The following PRDM5 variants were observed in gnomAD, a reference collection of about 807,000 sequenced individuals.
PRDM5 encodes PR domain zinc finger protein 5.
PRDM5 carries 56 observed loss-of-function variants against 81.2 expected under a neutral mutation model. The ratio of observed to expected loss-of-function variants is 0.69; its 90% CI spans 0.56 to 0.86. PRDM5 has a LOEUF of 0.86. PRDM5 is among the 40% of genes least tolerant of loss of function. PRDM5 has a pLI of 0.00. For missense variants in PRDM5, 697 were observed against 770.1 expected (o/e 0.91, Z 1.12); for synonymous variants, 267 against 256.4 (o/e 1.04, Z -0.39).
At chr4:120,816,243 A>T in intron 7 of PRDM5, 1 of 748,958 alleles carries the variant, frequency 1.3e-6, no homozygotes. Context: ...TAATTAATTC[A>T]GGAATGGGAA....
At chr4:120,909,922 A>G (rs960615504) in intron 1 of PRDM5, among the ~76,000 whole-genome samples, 2 of 152,158 alleles carry the variant, frequency 1.3e-5, no homozygotes, top group Non-Finnish European at 1.5e-5. Context: ...ATCTCAACTT[A>G]GCACATTCAC....
Position 120,727,182 on chromosome 4 carries a change from A to G in PRDM5, c.1624-16769T>C, listed in dbSNP as rs549355957. 1.1e-3 allele frequency among the ~76,000 whole-genome samples: 175 copies of G among 152,274 alleles called. 1 individual carries two copies. The highest frequency in any genetic ancestry group is 2.3e-3 in the Non-Finnish European group (155 of 68,012). On this transcript the variant is annotated intron_variant, in intron 14 of 15. Transcript: ENST00000264808. ...AGTCAGGCACACCACATTCCAGTAA[A>G]ATGTTCATTTTAACTTACACTGGCA...
intron 3 of PRDM5, chr4:120,838,671 G>A (rs1757639602): frequency 6.6e-6 from 1 of 152,618 alleles, no homozygotes. Flanking sequence ...CTAGATCCCT[G>A]GCATGCACAG....
intron 2 of PRDM5, among the ~76,000 whole-genome samples, chr4:120,890,048 T>C (rs1022028348): frequency 1.3e-5 from 2 of 152,250 alleles, no homozygotes; most frequent in African/African-American, 2.4e-5. Context: ...TATATTCCTG[T>C]ATTAGTCCAT....
chr4:120,886,867 C>A (rs950105129), intron 2 of PRDM5, among the ~76,000 whole-genome samples: 1 of 152,118 alleles, frequency 6.6e-6, no homozygotes, highest in South Asian at 2.1e-4. Context: ...TATATAACTG[C>A]CCTATCTCAG....
At position 120,825,509 on chromosome 4, in the gene PRDM5, C is replaced by CT. The variant is rs556121606; in HGVS notation, c.301-4165dup. On this transcript the variant is annotated intron_variant, in intron 3 of 15. Coordinates refer to ENST00000264808, the MANE Select transcript of PRDM5 (RefSeq NM_018699.4). ...TCCTCTCTCACACTCCATATACAATCTATCAGGAAATGGCATCTGCTTTCC... is the reference window on the plus strand; with the variant it reads ...TCCTCTCTCACACTCCATATACAATCTTATCAGGAAATGGCATCTGCTTTCC... Among the ~76,000 whole-genome samples the CT allele has an allele frequency of 3.9e-5, 6 of 152,254 alleles. No homozygotes were observed. The East Asian group carries it at 1.2e-3, about 29-fold the overall frequency.
At chr4:120,896,870 A>G (rs1764683202) in intron 2 of PRDM5, 1 of 151,976 alleles carries the variant, frequency 6.6e-6, no homozygotes, top group South Asian at 2.1e-4. Flanking sequence ...TTTTTAGTAG[A>G]GACGGGGTTT....
At chr4:120,847,101 A>G (rs767707048) in intron 3 of PRDM5, among the ~76,000 whole-genome samples, 1 of 152,010 alleles carries the variant, frequency 6.6e-6, no homozygotes, top group East Asian at 1.9e-4. Flanking sequence ...CCATCCTTAC[A>G]TAAAGTATAT....
intron 2 of PRDM5, among the ~76,000 whole-genome samples, chr4:120,870,948 C>CTCCTACTCTCTT (rs1469178728): frequency 6.6e-6 from 1 of 152,136 alleles, no homozygotes; most frequent in African/African-American, 2.4e-5. Flanking sequence ...TGTCTACCTT[C>CTCCTACTCTCTT]TCCTACTCTC....
chr4:120,840,122 C>A (rs1472078598), intron 3 of PRDM5, among the ~76,000 whole-genome samples: 1 of 152,228 alleles, frequency 6.6e-6, no homozygotes, highest in East Asian at 1.9e-4. Context: ...GAGGGTGCGG[C>A]TGCTACCTGC....
intron 2 of PRDM5, among the ~76,000 whole-genome samples, chr4:120,862,588 A>G (rs1200278359): frequency 6.6e-6 from 1 of 152,174 alleles, no homozygotes; most frequent in Non-Finnish European, 1.5e-5. Flanking sequence ...TCCTGCCTGT[A>G]AGTTTGGCCT....
chr4:120,753,588 T>C (rs961245541), intron 14 of PRDM5, among the ~76,000 whole-genome samples: 1 of 152,064 alleles, frequency 6.6e-6, no homozygotes, highest in Non-Finnish European at 1.5e-5. Context: ...GGGAAGAATA[T>C]TATTATTATG....
chr4:120,917,632 T>G (rs1724345166), intron 1 of PRDM5, among the ~76,000 whole-genome samples: 1 of 145,478 alleles, frequency 6.9e-6, no homozygotes, highest in African/African-American at 2.6e-5. Flanking sequence ...AAGACCTGAA[T>G]AAATAAAAAT....
chr4:120,867,562 G>C (rs769146035), intron 2 of PRDM5, among the ~76,000 whole-genome samples: 14 of 151,900 alleles, frequency 9.2e-5, no homozygotes, highest in Non-Finnish European at 1.9e-4. Context: ...TTTTTCTATT[G>C]CTCTTTTCAC....
At chr4:120,918,283 A>T (rs1724453256) in intron 1 of PRDM5, among the ~76,000 whole-genome samples, 1 of 152,202 alleles carries the variant, frequency 6.6e-6, no homozygotes, top group Admixed American at 6.5e-5. Context: ...GATAGCATAT[A>T]CGGCAGGCTT....
At chr4:120,907,171 C>G (rs1380110849) in intron 2 of PRDM5, among the ~76,000 whole-genome samples, 1 of 151,774 alleles carries the variant, frequency 6.6e-6, no homozygotes, top group African/African-American at 2.4e-5. Context: ...CCCGTCTCAA[C>G]TAAAAATACA....
At chr4:120,895,477 A>G (rs1381467216) in intron 2 of PRDM5, 1 of 152,248 alleles carries the variant, frequency 6.6e-6, no homozygotes, top group African/African-American at 2.4e-5. Context: ...AGAGGGTCAG[A>G]ATCTATTAGT....
chr4:120,802,944 A>C (rs952661389), intron 8 of PRDM5, among the ~76,000 whole-genome samples: 3 of 152,208 alleles, frequency 2.0e-5, no homozygotes, highest in Admixed American at 2.0e-4. Context: ...ATCGCAGAGA[A>C]GCTAAAAACC....
At position 120,883,323 on chromosome 4, in the gene PRDM5, T is replaced by C. The variant is rs1252883042; in HGVS notation, c.177+24151A>G. ...TGCTAAATGTTTTCTTTTTCTAGTA[T>C]ACAATTAGAAATCTAAAAACATAGG... On this transcript the variant is annotated intron_variant, in intron 2 of 15. Coordinates refer to ENST00000264808, the MANE Select transcript of PRDM5 (RefSeq NM_018699.4). Among the ~76,000 whole-genome samples, 3 of 152,156 alleles carry C rather than the reference T, an allele frequency of 2.0e-5. No individual in the cohort carries two copies. The East Asian group carries it at 5.8e-4, about 29-fold the overall frequency.
Sources: allele counts gnomAD v4.1 joint callset (sites outside exome capture counted in the v4.1 genomes callset), GRCh38; gene constraint gnomAD v4.1.1; transcripts MANE v1.5; gene names NCBI Gene and HGNC (gene_info 2026-07-23, HGNC 2026-07-21).